Variants in CDC42 observed in about 807,000 individuals in gnomAD.
The protein encoded by CDC42 is cell division control protein 42 homolog.
CDC42 carries 1 observed loss-of-function variant against 20.8 expected under a neutral mutation model. The ratio of observed to expected loss-of-function variants is 0.05; its 90% CI spans 0.02 to 0.23. CDC42 has a LOEUF of 0.23. Ranked by LOEUF, CDC42 falls within the 10% of genes least tolerant of loss-of-function variation. The pLI, the probability that CDC42 is intolerant of heterozygous loss-of-function variation, is 1.00. For missense variants in CDC42, 49 were observed against 227.9 expected (o/e 0.21, Z 5.05); for synonymous variants, 72 against 84.8 (o/e 0.85, Z 0.83).
At chr1:22,073,383 AC>A (rs1645513623) in intron 1 of CDC42, among the ~76,000 whole-genome samples, 1 of 151,810 alleles carries the variant, frequency 6.6e-6, no homozygotes, top group Non-Finnish European at 1.5e-5. Flanking sequence ...CTAAAAAAAT[AC>A]AAAAATTAGC....
At position 22,097,628 on chromosome 1, in the gene CDC42, ACTT is replaced by A. The variant is rs1242766750; in HGVS notation, c.*6115_*6117del. On this transcript the variant is annotated 3_prime_UTR_variant, in exon 6 of 6. Coordinates refer to ENST00000656825, the MANE Select transcript of CDC42 (RefSeq NM_001791.4). ...TAAGTTTCTCCTAGAATCTCCCTGC[ACTT>A]CTTGTTTTGCTGCCATCAGGTAATT... Among the ~76,000 whole-genome samples, 2 of 152,182 alleles carry A rather than the reference ACTT, an allele frequency of 1.3e-5. No homozygotes were observed. Among genetic ancestry groups the A allele is most frequent in the Non-Finnish European group, 2.9e-5 (2 of 68,032 alleles).
In CDC42 at chr1:22,099,039, C is replaced by T. The variant is rs765596624; in HGVS notation, c.*7522C>T. ...AACGTGCTGGGATTACAGGCATTAG[C>T]CACTGTGCCCAGCTGGGTATGGATT... On this transcript the variant is annotated 3_prime_UTR_variant, in exon 6 of 6. Transcript: ENST00000656825. 2.0e-5 allele frequency among the ~76,000 whole-genome samples: 3 copies of T among 152,194 alleles called. No homozygotes were observed. The highest frequency in any genetic ancestry group is 4.4e-5 in the Non-Finnish European group (3 of 68,038).
Position 22,081,719 on chromosome 1 carries a change from T to C in CDC42, c.106-3T>C, listed in dbSNP as rs17837976. The C allele has an allele frequency of 5.8e-3, 9,397 of 1,607,138 alleles. 304 individuals are homozygous for C. The Admixed American group carries it at 0.085, about 14-fold the overall frequency. On this transcript the variant is annotated splice_polypyrimidine_tract_variant and splice_region_variant and intron_variant, in intron 2 of 5. Transcript: ENST00000656825. ...TAACAGTGTTGTATTTTTTTGTTTT[T>C]AGGTTTTTGACAACTATGCAGTCAC...
chr1:22,070,062 G>A (rs897258089), intron 1 of CDC42, among the ~76,000 whole-genome samples: 3 of 152,144 alleles, frequency 2.0e-5, no homozygotes, highest in South Asian at 2.1e-4. Flanking sequence ...TGCTGGGATT[G>A]TAGGCTTGAG....
chr1:22,064,716 CTG>C (rs1474423957), intron 1 of CDC42, among the ~76,000 whole-genome samples: 1 of 148,556 alleles, frequency 6.7e-6, no homozygotes. Flanking sequence ...GAGTCTCACT[CTG>C]TTGCCCAGCC....
At chr1:22,057,842 G>A (rs572376096) in intron 1 of CDC42, among the ~76,000 whole-genome samples, 12 of 151,832 alleles carry the variant, frequency 7.9e-5, no homozygotes, top group African/African-American at 2.9e-4. Flanking sequence ...TCCTGCTTCG[G>A]CCTCCTGAGT....
In CDC42 at chr1:22,077,914, A is replaced by G. The variant is rs549205880; in HGVS notation, c.-50-515A>G. Reference sequence around the variant, plus strand: ...CACCCTGTTCTTTGTTCAGTTCCTCACGTTACTCATATAATTACCGTGTGA... The same window carrying G: ...CACCCTGTTCTTTGTTCAGTTCCTCGCGTTACTCATATAATTACCGTGTGA... On this transcript the variant is annotated intron_variant, in intron 1 of 5. Coordinates refer to ENST00000656825, the MANE Select transcript of CDC42 (RefSeq NM_001791.4). 3.9e-5 allele frequency among the ~76,000 whole-genome samples: 6 copies of G among 152,306 alleles called. No homozygotes were observed. The South Asian group carries it at 1.2e-3, about 32-fold the overall frequency.
rs562317428 is a variant in CDC42, at chr1:22,097,217, T to G, written c.*5700T>G. Among the ~76,000 whole-genome samples the G allele has an allele frequency of 6.6e-6, 1 of 152,338 alleles. No homozygotes were observed. Among genetic ancestry groups the G allele is most frequent in the South Asian group, 2.1e-4 (1 of 4,832 alleles). On this transcript the variant is annotated 3_prime_UTR_variant, in exon 6 of 6. Transcript: ENST00000656825. ...TCCTGGCCTCTCCTTTTGTGGTGCT[T>G]ACAGTGCTGTGTTAGGTCCAGTTTT...
At chr1:22,090,389 A>G (rs1416268463) in intron 5 of CDC42, 36 of 1,007,288 alleles carry the variant, frequency 3.6e-5, no homozygotes, top group Non-Finnish European at 3.7e-5. Flanking sequence ...AGATGGAGAA[A>G]GTAACACAAA....
Position 22,094,302 on chromosome 1 carries a change from T to TCTTCAAGCTGGAC in CDC42, c.*2785_*2786insCTTCAAGCTGGAC, listed in dbSNP as rs1435982170. ...GAACATCCTAGAAATAGATTTTTTTTTTTTTTTTTTTTTGAGACGGAGTCT... is the reference window on the plus strand; with the variant it reads ...GAACATCCTAGAAATAGATTTTTTTTCTTCAAGCTGGACTTTTTTTTTTTTTGAGACGGAGTCT... On this transcript the variant is annotated 3_prime_UTR_variant, in exon 6 of 6. Coordinates refer to ENST00000656825, the MANE Select transcript of CDC42 (RefSeq NM_001791.4). 2.0e-3 allele frequency among the ~76,000 whole-genome samples: 94 copies of TCTTCAAGCTGGAC among 45,930 alleles called. 10 individuals are homozygous for TCTTCAAGCTGGAC. The highest frequency in any genetic ancestry group is 8.1e-3 in the African/African-American group (87 of 10,800). 30.1% of individuals were successfully genotyped at this position (45,930 alleles called of 152,430 possible).
intron 1 of CDC42, among the ~76,000 whole-genome samples, chr1:22,072,881 A>C (rs1310659888): frequency 6.6e-6 from 1 of 151,678 alleles, no homozygotes; most frequent in Non-Finnish European, 1.5e-5. Context: ...CCTTTTATTC[A>C]CAGTTACTAT....
intron 1 of CDC42, among the ~76,000 whole-genome samples, chr1:22,054,954 T>A (rs113073426): frequency 0.09 from 4,077 of 45,054 alleles, 368 homozygotes; most frequent in Non-Finnish European, 0.11. Context: ...TTTTTTTTTT[T>A]TTTTTTTTTT....
chr1:22,075,998 A>G (rs1384919492), intron 1 of CDC42, among the ~76,000 whole-genome samples: 1 of 152,218 alleles, frequency 6.6e-6, no homozygotes, highest in Non-Finnish European at 1.5e-5. Context: ...GAAAAACAGG[A>G]AATAAGCTTA....
chr1:22,060,563 A>G (rs908047901), intron 1 of CDC42, among the ~76,000 whole-genome samples: 2 of 152,194 alleles, frequency 1.3e-5, no homozygotes, highest in Admixed American at 6.6e-5. Flanking sequence ...GCTTTGCTGG[A>G]AGACAGTTTA....
intron 1 of CDC42, among the ~76,000 whole-genome samples, chr1:22,063,039 T>C (rs1431851255): frequency 6.6e-6 from 1 of 152,154 alleles, no homozygotes. Flanking sequence ...ACACTGTTCA[T>C]GGATATGGAA....
At chr1:22,081,937 C>A in intron 3 of CDC42, 143 bp downstream of exon 3, 1 of 619,498 alleles carries the variant, frequency 1.6e-6, no homozygotes, top group Non-Finnish European at 2.8e-6. Context: ...TAATGATTGT[C>A]GATGCTTGAC....
intron 1 of CDC42, among the ~76,000 whole-genome samples, chr1:22,067,196 A>G (rs886909859): frequency 4.6e-5 from 7 of 152,218 alleles, no homozygotes; most frequent in Admixed American, 2.0e-4. Context: ...ACAATACCAT[A>G]GACTGGGTAG....
chr1:22,091,207 G>A (rs1645712331), intron 5 of CDC42, among the ~76,000 whole-genome samples: 1 of 152,154 alleles, frequency 6.6e-6, no homozygotes, highest in Non-Finnish European at 1.5e-5. Flanking sequence ...AAGGACCACT[G>A]TCTCACTCAT....
rs747002932 is a variant in CDC42 at position 22,094,294 on chromosome 1, A to ATTTTTTTTTTTTTTTTTTTTTTT, written c.*2798_*2799insTTTTTTTTTTTTTTTTTTTTTTT. 4.7e-4 allele frequency among the ~76,000 whole-genome samples: 18 copies of ATTTTTTTTTTTTTTTTTTTTTTT among 38,302 alleles called. 6 individuals carry two copies. Among genetic ancestry groups the ATTTTTTTTTTTTTTTTTTTTTTT allele is most frequent in the East Asian group, 2.8e-3 (2 of 710 alleles). The allele number at this position is 38,302 out of a possible 152,430, so 25.1% of individuals were successfully genotyped here. A position where few individuals can be genotyped will look rare whatever the true frequency, so the allele number is the denominator to read the frequency against. On this transcript the variant is annotated 3_prime_UTR_variant, in exon 6 of 6. Transcript: ENST00000656825. The stretch of plus-strand genomic sequence containing the variant: ...GTTTTACTGAACATCCTAGAAATAG[A>ATTTTTTTTTTTTTTTTTTTTTTT]TTTTTTTTTTTTTTTTTTTTTGAGA...
Sources: allele counts gnomAD v4.1 joint callset (sites outside exome capture counted in the v4.1 genomes callset), GRCh38; gene constraint gnomAD v4.1.1; transcripts MANE v1.5; gene names NCBI Gene and HGNC (gene_info 2026-07-23, HGNC 2026-07-21).